Variants in SPAG17 observed in about 807,000 individuals in gnomAD.
SPAG17 encodes the protein sperm associated antigen 17, also known as sperm-associated antigen 17.
SPAG17 carries 169 observed loss-of-function variants against 273.6 expected under a neutral mutation model. The ratio of observed to expected loss-of-function variants is 0.62; its 90% CI spans 0.55 to 0.70. SPAG17 has a LOEUF of 0.70. SPAG17 is among the 30% of genes least tolerant of loss of function. The pLI is 0.00. For synonymous variants in SPAG17, 825 were observed against 873.2 expected (o/e 0.94, Z 0.97); for missense variants, 2,557 against 2,627.8 (o/e 0.97, Z 0.59).
chr1:118,068,808 G>A (rs928591866), intron 17 of SPAG17, among the ~76,000 whole-genome samples: 14 of 152,118 alleles, frequency 9.2e-5, no homozygotes, highest in Admixed American at 4.6e-4. Flanking sequence ...AATTAGAGAC[G>A]GGACCTTGCT....
At chr1:118,051,725 A>T (rs934413941) in intron 20 of SPAG17, among the ~76,000 whole-genome samples, 10 of 145,956 alleles carry the variant, frequency 6.9e-5, no homozygotes, top group Admixed American at 5.5e-4. Flanking sequence ...TATAATTACA[A>T]TATATGATAT....
At chr1:118,073,814 C>T (rs767060967) in intron 17 of SPAG17, 40 bp downstream of exon 17, 1 of 1,393,352 alleles carries the variant, frequency 7.2e-7, no homozygotes, top group Non-Finnish European at 1.0e-6. Context: ...CTCTCCAGAC[C>T]TATCTGACCG....
chr1:117,969,351 C>T (rs567938071), intron 46 of SPAG17, among the ~76,000 whole-genome samples: 4 of 152,000 alleles, frequency 2.6e-5, no homozygotes, highest in Admixed American at 1.3e-4. Flanking sequence ...GAGGCCAAGG[C>T]GGGTGGATAG....
At chr1:118,106,183 G>T (rs1656384118) in intron 4 of SPAG17, among the ~76,000 whole-genome samples, 1 of 152,048 alleles carries the variant, frequency 6.6e-6, no homozygotes, top group South Asian at 2.1e-4. Flanking sequence ...ATTAGCAAGG[G>T]GCTATTCTAA....
intron 3 of SPAG17, 25 bp from the exon 4 acceptor site, chr1:118,115,466 A>C: frequency 6.3e-7 from 1 of 1,596,392 alleles, no homozygotes; most frequent in Non-Finnish European, 8.5e-7. Flanking sequence ...AATTATTAGA[A>C]AAAGTGATGT....
chr1:117,997,861 T>C (rs150655264), intron 32 of SPAG17, among the ~76,000 whole-genome samples: 51 of 152,312 alleles, frequency 3.3e-4, no homozygotes, highest in African/African-American at 1.2e-3. Flanking sequence ...TTTACGCATA[T>C]ATGAAACCAT....
intron 28 of SPAG17, among the ~76,000 whole-genome samples, chr1:118,019,657 G>C (rs989436833): frequency 6.6e-6 from 1 of 152,052 alleles, no homozygotes; most frequent in Admixed American, 6.5e-5. Context: ...TAAATGAAAA[G>C]AAATCCATAC....
chr1:118,125,021 T>G (rs1657633814), intron 3 of SPAG17, among the ~76,000 whole-genome samples: 1 of 152,070 alleles, frequency 6.6e-6, no homozygotes, highest in Non-Finnish European at 1.5e-5. Flanking sequence ...TAGCCCAGGT[T>G]TTTATGTTTA....
chr1:117,995,549 C>T (rs1195711891), intron 34 of SPAG17, among the ~76,000 whole-genome samples: 1 of 151,972 alleles, frequency 6.6e-6, no homozygotes, highest in Non-Finnish European at 1.5e-5. Flanking sequence ...GTCAGAGTCC[C>T]CCATATTCCA....
At chr1:118,106,411 G>A (rs1656400829) in intron 4 of SPAG17, among the ~76,000 whole-genome samples, 2 of 152,252 alleles carry the variant, frequency 1.3e-5, no homozygotes, top group East Asian at 3.9e-4. Context: ...GGCAAAGCCA[G>A]GCCAGTCACC....
At position 118,081,141 on chromosome 1, in the gene SPAG17, C is replaced by T. The variant is rs781012812; in HGVS notation, c.2169G>A (p.Gln723=). The T allele has an allele frequency of 3.7e-6, 6 of 1,613,812 alleles. No individual in the cohort carries two copies. In the South Asian group the frequency reaches 5.5e-5, roughly 15 times the overall value. Residue 723 remains glutamine (Q), a synonymous_variant, in exon 15 of 49, where the codon CAG becomes CAA. Coordinates refer to ENST00000336338, the MANE Select transcript of SPAG17 (RefSeq NM_206996.4). The part of the protein sequence containing the change: ...SVPDNRQLLE[Q]ESIMKAQPQH... ...GGGGCTGAGCCTTCATGATGCTCTCCTGCTCTAACAGCTGTCTATTATCAG... is the reference window on the plus strand; with the variant it reads ...GGGGCTGAGCCTTCATGATGCTCTCTTGCTCTAACAGCTGTCTATTATCAG...
chr1:118,162,964 AGATAAATAGATACATAGGCTAAGAG>A, intron 1 of SPAG17, among the ~76,000 whole-genome samples: 1 of 152,350 alleles, frequency 6.6e-6, no homozygotes, highest in East Asian at 1.9e-4. Context: ...TCATGAATAT[AGATAAATAGATACATAGGCTAAGAG>A]GATATGTATT....
chr1:117,975,215 A>AG (rs900844440), intron 43 of SPAG17, among the ~76,000 whole-genome samples: 1 of 152,132 alleles, frequency 6.6e-6, no homozygotes, highest in Non-Finnish European at 1.5e-5. Context: ...TGGTGGAGGC[A>AG]GGGGGGATGT....
Position 118,086,963 on chromosome 1 carries a change from G to A in SPAG17, c.1405C>T (p.Pro469Ser). Reference protein sequence around the residue: ...EDLVPPSLREPSPRADGLDHR... With the variant: ...EDLVPPSLRESSPRADGLDHR... Reference sequence around the variant, plus strand: ...TCTAGCCCGTCTGCTCTGGGGGATGGCTCCCGCAGACTGGGTGGGACGAGA... The same window carrying A: ...TCTAGCCCGTCTGCTCTGGGGGATGACTCCCGCAGACTGGGTGGGACGAGA... Residue 469 changes from proline (P) to serine (S), a missense_variant, in exon 11 of 49, where the codon CCA becomes TCA. Physicochemically the swap from Pro to Ser is moderately conservative, Grantham distance 74. Transcript: ENST00000336338. 6.3e-7 allele frequency: 1 copy of A among 1,586,070 alleles called. No homozygotes were observed. Among genetic ancestry groups the A allele is most frequent in the Non-Finnish European group, 8.5e-7 (1 of 1,169,710 alleles).
chr1:118,039,583 G>T, intron 22 of SPAG17, 139 bp from the exon 23 acceptor site: 1 of 822,968 alleles, frequency 1.2e-6, no homozygotes, highest in Non-Finnish European at 2.0e-6. Flanking sequence ...CTTAGGAATG[G>T]CAGCTAAACA....
intron 1 of SPAG17, among the ~76,000 whole-genome samples, chr1:118,167,144 TAA>T (rs1660207542): frequency 6.6e-6 from 1 of 152,208 alleles, no homozygotes; most frequent in South Asian, 2.1e-4. Context: ...TGATGTTCTT[TAA>T]GTTTTCTTTC....
intron 3 of SPAG17, among the ~76,000 whole-genome samples, chr1:118,134,868 A>G (rs961336392): frequency 1.3e-5 from 2 of 152,032 alleles, no homozygotes; most frequent in South Asian, 2.1e-4. Context: ...CTCCTCCTTC[A>G]TGACTTCTTC....
chr1:118,093,056 A>G, intron 8 of SPAG17, 100 bp downstream of exon 8: 1 of 1,270,464 alleles, frequency 7.9e-7, no homozygotes, highest in Non-Finnish European at 1.1e-6. Flanking sequence ...ACCTTAATGT[A>G]AGTATTTATG....
At chr1:118,175,168 C>A (rs1660629985) in intron 1 of SPAG17, among the ~76,000 whole-genome samples, 3 of 152,078 alleles carry the variant, frequency 2.0e-5, no homozygotes, top group Admixed American at 1.3e-4. Flanking sequence ...ATAGCTGGGA[C>A]TACAGGCACG....
Sources: allele counts gnomAD v4.1 joint callset (sites outside exome capture counted in the v4.1 genomes callset), GRCh38; gene constraint gnomAD v4.1.1; transcripts MANE v1.5; gene names NCBI Gene and HGNC (gene_info 2026-07-23, HGNC 2026-07-21).